INVS: variants seen among roughly 807,000 people sequenced by gnomAD.
INVS encodes inversion of embryo turning homolog.
Under a neutral mutation model 108.8 loss-of-function variants are expected in INVS, and 86 were observed. The observed-to-expected ratio is 0.79, with a 90% CI of 0.66 to 0.95. The LOEUF is 0.95. Ranked by LOEUF, INVS falls within the 40% of genes least tolerant of loss-of-function variation. INVS has a pLI of 0.00. For synonymous variants in INVS, 455 were observed against 473.5 expected (o/e 0.96, Z 0.51); for missense variants, 1,169 against 1,297.4 (o/e 0.90, Z 1.52).
Position 100,301,526 on chromosome 9 carries a change from GC to G in INVS, c.*854del, listed in dbSNP as rs1301745829. ...CAGAAGTGAGCAATCTTCTTAAAAT[GC>G]CATTTCTGTTGGCAGGGAAGAATGA... is the stretch of plus-strand genomic sequence containing the variant. On this transcript the variant is annotated 3_prime_UTR_variant, in exon 17 of 17. Transcript: ENST00000262457. Among the ~76,000 whole-genome samples the G allele has an allele frequency of 1.3e-5, 2 of 152,168 alleles. No individual in the cohort carries two copies. The highest frequency in any genetic ancestry group is 3.8e-4 in the East Asian group (2 of 5,198).
chr9:100,288,395 G>A (rs924762354), intron 13 of INVS, among the ~76,000 whole-genome samples: 4 of 152,116 alleles, frequency 2.6e-5, no homozygotes, highest in African/African-American at 9.7e-5. Context: ...TCAATAATGC[G>A]ATTATCTCAA....
chr9:100,204,447 A>C (rs1402167387), intron 3 of INVS, among the ~76,000 whole-genome samples: 1 of 152,198 alleles, frequency 6.6e-6, no homozygotes, highest in African/African-American at 2.4e-5. Context: ...CTATCTCTTT[A>C]GTTTTTAACA....
chr9:100,256,715 G>A, intron 10 of INVS, among the ~76,000 whole-genome samples: 1 of 152,180 alleles, frequency 6.6e-6, no homozygotes. Flanking sequence ...TTTCCATGTA[G>A]TTGAGTGGTT....
At chr9:100,148,714 A>G (rs1449507268) in intron 3 of INVS, among the ~76,000 whole-genome samples, 1 of 152,246 alleles carries the variant, frequency 6.6e-6, no homozygotes, top group Non-Finnish European at 1.5e-5. Context: ...AAAGCTACAA[A>G]AACATTTTAA....
At chr9:100,183,294 T>C (rs1829952369) in intron 3 of INVS, among the ~76,000 whole-genome samples, 1 of 151,682 alleles carries the variant, frequency 6.6e-6, no homozygotes, top group South Asian at 2.1e-4. Flanking sequence ...AAAGACATGA[T>C]CCAATATAGT....
chr9:100,107,643 A>G (rs1827220433), intron 2 of INVS, among the ~76,000 whole-genome samples: 1 of 152,126 alleles, frequency 6.6e-6, no homozygotes, highest in Non-Finnish European at 1.5e-5. Context: ...TTTTAAGGTC[A>G]CTTCTTCAAA....
At chr9:100,159,638 TTGTAGCAC>T (rs1829106863) in intron 3 of INVS, among the ~76,000 whole-genome samples, 1 of 152,192 alleles carries the variant, frequency 6.6e-6, no homozygotes, top group Non-Finnish European at 1.5e-5. Flanking sequence ...TCTCTGGTGT[TTGTAGCAC>T]CTCTCTTCTA....
intron 14 of INVS, 39 bp from the exon 15 acceptor site, chr9:100,296,878 T>C (rs758088940): frequency 6.6e-7 from 1 of 1,515,632 alleles, no homozygotes; most frequent in Non-Finnish European, 9.2e-7. Flanking sequence ...TTCTCAGTAC[T>C]GTGATCTTAA....
At chr9:100,229,974 G>T (rs1831455034) in intron 5 of INVS, 147 bp downstream of exon 5, 1 of 761,072 alleles carries the variant, frequency 1.3e-6, no homozygotes, top group African/African-American at 1.8e-5. Flanking sequence ...CCCCCAAGAA[G>T]TAGAACATTT....
At chr9:100,112,309 T>G (rs1260769001) in intron 2 of INVS, among the ~76,000 whole-genome samples, 1 of 152,178 alleles carries the variant, frequency 6.6e-6, no homozygotes, top group East Asian at 1.9e-4. Flanking sequence ...AATAGACAAA[T>G]TTTGCCTTAT....
rs553178373 is a variant in INVS, at chr9:100,219,953, T to C, written c.274-6109T>C. Among the ~76,000 whole-genome samples the C allele has an allele frequency of 1.9e-3, 288 of 151,960 alleles. 13 individuals carry two copies. Among genetic ancestry groups the C allele is most frequent in the Admixed American group, 1.8e-3 (28 of 15,234 alleles). On this transcript the variant is annotated intron_variant, in intron 3 of 16. Transcript: ENST00000262457. The stretch of plus-strand genomic sequence containing the variant: ...TTCATTGGAATGATAAACACCCAAT[T>C]CAGGATAGTAGTCTCCAAAGAGGGA...
rs574502392 is a variant in INVS, at chr9:100,271,202, T to C, written c.1572-1662T>C. On this transcript the variant is annotated intron_variant, in intron 11 of 16. Transcript: ENST00000262457. ...AAAACTTCTGAAAATACATTTTTCATAGATAAACATACAGGGATATATTTT... is the reference window on the plus strand; with the variant it reads ...AAAACTTCTGAAAATACATTTTTCACAGATAAACATACAGGGATATATTTT... Among the ~76,000 whole-genome samples, 179 of 152,344 alleles carry C rather than the reference T, an allele frequency of 1.2e-3. 2 individuals carry two copies. Among genetic ancestry groups the C allele is most frequent in the African/African-American group, 4.2e-3 (175 of 41,580 alleles).
At chr9:100,277,366 G>A (rs988687083) in intron 12 of INVS, among the ~76,000 whole-genome samples, 13 of 152,188 alleles carry the variant, frequency 8.5e-5, no homozygotes, top group African/African-American at 3.1e-4. Flanking sequence ...TGGCCCATGT[G>A]TCTGACTCAT....
At chr9:100,240,395 T>C (rs1831829727) in intron 6 of INVS, among the ~76,000 whole-genome samples, 155 bp downstream of exon 6, 5 of 152,102 alleles carry the variant, frequency 3.3e-5, no homozygotes, top group African/African-American at 1.2e-4. Context: ...TATAGTAATA[T>C]AAATTTATTT....
At chr9:100,210,061 T>G (rs73655135) in intron 3 of INVS, among the ~76,000 whole-genome samples, 2,078 of 152,274 alleles carry the variant, frequency 0.014, 36 homozygotes, top group African/African-American at 0.048. Context: ...GCTCAGGCAC[T>G]GTTTTCTCCA....
At chr9:100,114,216 A>G (rs1827436308) in intron 2 of INVS, among the ~76,000 whole-genome samples, 1 of 152,046 alleles carries the variant, frequency 6.6e-6, no homozygotes, top group Admixed American at 6.6e-5. Context: ...GAACAATTCT[A>G]TCATGCCCCA....
At chr9:100,178,410 C>T (rs750680626) in intron 3 of INVS, among the ~76,000 whole-genome samples, 1 of 152,100 alleles carries the variant, frequency 6.6e-6, no homozygotes, top group Non-Finnish European at 1.5e-5. Context: ...AGAGGAATTG[C>T]TAACTAGAAT....
chr9:100,101,025 TTATA>T (rs973040485), intron 1 of INVS, among the ~76,000 whole-genome samples: 6 of 85,438 alleles, frequency 7.0e-5, no homozygotes, highest in Non-Finnish European at 1.3e-4. Flanking sequence ...TGTATATATA[TTATA>T]TATATTATAT....
chr9:100,255,038 C>T (rs1223252156), intron 10 of INVS, among the ~76,000 whole-genome samples: 2 of 152,162 alleles, frequency 1.3e-5, no homozygotes, highest in Non-Finnish European at 2.9e-5. Context: ...ATTGATTCTT[C>T]CTATCCATGA....
Sources: allele counts gnomAD v4.1 joint callset (sites outside exome capture counted in the v4.1 genomes callset), GRCh38; gene constraint gnomAD v4.1.1; transcripts MANE v1.5; gene names NCBI Gene and HGNC (gene_info 2026-07-23, HGNC 2026-07-21).